Variants in CTNNA2 observed in about 807,000 individuals in gnomAD.
The protein encoded by CTNNA2 is catenin alpha-2.
Under a neutral mutation model 101.0 loss-of-function variants are expected in CTNNA2, and 42 were observed. The ratio of observed to expected loss-of-function variants is 0.42; its 90% CI spans 0.32 to 0.54. The LOEUF is 0.54. Among genes scored for constraint, CTNNA2 ranks in the 20% least tolerant of loss-of-function variants. CTNNA2 has a pLI of 0.14. For missense variants in CTNNA2, 871 were observed against 1,223.1 expected (o/e 0.71, Z 4.29); for synonymous variants, 450 against 456.4 (o/e 0.99, Z 0.18).
chr2:79,441,504 T>G (rs941238791), intron 4 of CTNNA2, among the ~76,000 whole-genome samples: 1 of 152,104 alleles, frequency 6.6e-6, no homozygotes, highest in African/African-American at 2.4e-5. Context: ...CTGGGAAACA[T>G]TTTCTGATTT....
At chr2:80,641,991 AT>A (rs972891486) in intron 18 of CTNNA2, among the ~76,000 whole-genome samples, 2 of 152,094 alleles carry the variant, frequency 1.3e-5, no homozygotes, top group African/African-American at 4.8e-5. Context: ...GCAAAACATG[AT>A]TTTTTTAATA....
intron 1 of CTNNA2, among the ~76,000 whole-genome samples, chr2:79,556,771 G>A (rs960822914): frequency 6.6e-6 from 1 of 151,910 alleles, no homozygotes; most frequent in African/African-American, 2.4e-5. Context: ...TAACCTCTTC[G>A]AGTCTCAGTT....
Position 79,291,079 on chromosome 2 carries a change from A to C in CTNNA2, c.-405-21630A>C, listed in dbSNP as rs533840543. Among the ~76,000 whole-genome samples the C allele has an allele frequency of 4.6e-5, 7 of 152,270 alleles. No homozygotes were observed. In the South Asian group the frequency reaches 1.5e-3, roughly 32 times the overall value. On this transcript the variant is annotated intron_variant, in intron 2 of 21. Coordinates refer to the CTNNA2 transcript ENST00000466387. ...CCCCAAGAGGTTTGAGCAGTGGGGCACTGAAGACACCAGCCACTCCCTCTG... is the reference window on the plus strand; with the variant it reads ...CCCCAAGAGGTTTGAGCAGTGGGGCCCTGAAGACACCAGCCACTCCCTCTG...
chr2:80,329,177 G>C (rs1671091942), intron 7 of CTNNA2, among the ~76,000 whole-genome samples: 3 of 152,320 alleles, frequency 2.0e-5, no homozygotes, highest in African/African-American at 7.2e-5. Flanking sequence ...GGTATCAGCT[G>C]ACTTCCTTTC....
At chr2:79,808,121 A>G (rs1170575568) in intron 3 of CTNNA2, among the ~76,000 whole-genome samples, 1 of 152,218 alleles carries the variant, frequency 6.6e-6, no homozygotes, top group Non-Finnish European at 1.5e-5. Flanking sequence ...AAAGTATTTC[A>G]GAACACTTTC....
chr2:80,264,549 G>T (rs2149128588), intron 7 of CTNNA2, among the ~76,000 whole-genome samples: 1 of 152,222 alleles, frequency 6.6e-6, no homozygotes, highest in South Asian at 2.1e-4. Context: ...GATTTCAGTG[G>T]CTTCAATGCT....
chr2:80,638,223 C>T (rs1673079446), intron 18 of CTNNA2, among the ~76,000 whole-genome samples: 1 of 152,110 alleles, frequency 6.6e-6, no homozygotes, highest in African/African-American at 2.4e-5. Context: ...CTTGGGTGGT[C>T]AAGACATGCT....
At chr2:79,841,555 C>G (rs941700517) in intron 3 of CTNNA2, among the ~76,000 whole-genome samples, 4 of 151,872 alleles carry the variant, frequency 2.6e-5, no homozygotes, top group Admixed American at 6.6e-5. Context: ...TTTTGTTGCT[C>G]CTTTTGGTCT....
intron 9 of CTNNA2, among the ~76,000 whole-genome samples, chr2:80,436,221 A>G (rs1467621256): frequency 4.6e-5 from 7 of 152,150 alleles, no homozygotes; most frequent in Non-Finnish European, 1.0e-4. Flanking sequence ...AGGGACAGAC[A>G]CTGCTACCCA....
rs536986937 is a variant in CTNNA2, at chr2:79,977,443, G to A, written c.1056+67646G>A. On this transcript the variant is annotated intron_variant, in intron 7 of 18. Coordinates refer to ENST00000402739, the MANE Select transcript of CTNNA2 (RefSeq NM_001282597.3). ...TAAACACCCTGTAGTGTACAGGACA[G>A]CCCCCACCACGAGAATGATCCAGCC... Among the ~76,000 whole-genome samples the A allele has an allele frequency of 3.9e-4, 59 of 152,196 alleles. 1 individual carries two copies. The South Asian group carries it at 0.012, about 30-fold the overall frequency.
At chr2:80,096,849 C>A (rs1172323326) in intron 7 of CTNNA2, among the ~76,000 whole-genome samples, 2 of 151,562 alleles carry the variant, frequency 1.3e-5, no homozygotes, top group Admixed American at 6.6e-5. Flanking sequence ...TTTTCTTTTC[C>A]ATTTGCTTGG....
chr2:80,443,335 G>A (rs925060044), intron 9 of CTNNA2, among the ~76,000 whole-genome samples: 2 of 152,318 alleles, frequency 1.3e-5, no homozygotes, highest in South Asian at 2.1e-4. Context: ...ACACAGCAAG[G>A]AAATCCATTT....
chr2:80,610,493 G>T (rs1334111400), intron 17 of CTNNA2, among the ~76,000 whole-genome samples: 1 of 151,526 alleles, frequency 6.6e-6, no homozygotes, highest in African/African-American at 2.4e-5. Context: ...AATCAAAAAA[G>T]AAATACTTAA....
At chr2:80,553,118 G>C (rs1692725271) in intron 11 of CTNNA2, among the ~76,000 whole-genome samples, 1 of 151,568 alleles carries the variant, frequency 6.6e-6, no homozygotes, top group Non-Finnish European at 1.5e-5. Flanking sequence ...CATCTACTTG[G>C]GAGGCTGAGG....
intron 3 of CTNNA2, among the ~76,000 whole-genome samples, chr2:79,338,574 CA>C (rs1558633851): frequency 1.1e-4 from 12 of 107,898 alleles, no homozygotes; most frequent in Non-Finnish European, 1.7e-4. Context: ...TCTTCCTCCT[CA>C]TCATCTTCTT....
At chr2:79,646,492 A>G (rs1239206676) in intron 1 of CTNNA2, among the ~76,000 whole-genome samples, 5 of 147,712 alleles carry the variant, frequency 3.4e-5, no homozygotes, top group Non-Finnish European at 6.0e-5. Context: ...ATTACCTTAC[A>G]TGGAAACACA....
intron 12 of CTNNA2, among the ~76,000 whole-genome samples, chr2:80,559,897 CACAT>C (rs1693415388): frequency 9.7e-6 from 1 of 102,746 alleles, no homozygotes; most frequent in South Asian, 3.2e-4. Context: ...TATATACACA[CACAT>C]ACAGTAGCTC....
At chr2:79,470,608 G>A (rs1312355717) in intron 4 of CTNNA2, among the ~76,000 whole-genome samples, 1 of 152,178 alleles carries the variant, frequency 6.6e-6, no homozygotes, top group Non-Finnish European at 1.5e-5. Context: ...CCAAATACTG[G>A]AGAAGTTTTT....
intron 12 of CTNNA2, among the ~76,000 whole-genome samples, chr2:80,556,203 A>G (rs571162683): frequency 1.3e-5 from 2 of 152,346 alleles, no homozygotes; most frequent in Non-Finnish European, 2.9e-5. Flanking sequence ...AGATAATTTT[A>G]TGACTTGAGA....
Sources: allele counts gnomAD v4.1 joint callset (sites outside exome capture counted in the v4.1 genomes callset), GRCh38; gene constraint gnomAD v4.1.1; transcripts MANE v1.5; gene names NCBI Gene and HGNC (gene_info 2026-07-23, HGNC 2026-07-21).